Variants in STIM1 observed in about 807,000 individuals in gnomAD.
STIM1 encodes the protein stromal interaction molecule 1.
A neutral mutation model predicts 74.7 loss-of-function variants in STIM1; 25 were observed. The ratio of observed to expected loss-of-function variants is 0.33; its 90% confidence interval spans 0.24 to 0.47. STIM1 has a LOEUF of 0.47. Ranked by LOEUF, STIM1 falls within the 20% of genes least tolerant of loss-of-function variation. The pLI is 1.00. For missense variants in STIM1, 728 were observed against 920.8 expected (o/e 0.79, Z 2.71); for synonymous variants, 328 against 348.8 (o/e 0.94, Z 0.66).
chr11:3,894,011 C>A (rs1257239278), intron 1 of STIM1, among the ~76,000 whole-genome samples: 1 of 152,080 alleles, frequency 6.6e-6, no homozygotes, highest in Admixed American at 6.5e-5. Flanking sequence ...AACTCCGGAG[C>A]TCAAGCGATC....
chr11:4,086,600 T>C, intron 12 of STIM1, 57 bp downstream of exon 12: 1 of 1,608,176 alleles, frequency 6.2e-7, no homozygotes, highest in Non-Finnish European at 8.5e-7. Context: ...CTGCGGCGAA[T>C]GCGCAGCCTT....
intron 1 of STIM1, among the ~76,000 whole-genome samples, chr11:3,944,518 G>C (rs1488062069): frequency 2.0e-5 from 3 of 152,232 alleles, no homozygotes; most frequent in Non-Finnish European, 4.4e-5. Flanking sequence ...AGAATGGTCA[G>C]AGAAATCTAC....
chr11:3,989,503 G>GA, intron 2 of STIM1: 1 of 610,258 alleles, frequency 1.6e-6, no homozygotes, highest in Non-Finnish European at 3.1e-6. Flanking sequence ...TCTGTGAGCC[G>GA]CGGCGCACCG....
chr11:4,077,216 CA>C (rs2094442367), intron 7 of STIM1, among the ~76,000 whole-genome samples: 1 of 151,358 alleles, frequency 6.6e-6, no homozygotes, highest in Non-Finnish European at 1.5e-5. Flanking sequence ...TGAAATAAAG[CA>C]AGGGTAGCTA....
chr11:3,858,639 C>A (rs1182814555), intron 1 of STIM1, among the ~76,000 whole-genome samples: 1 of 152,176 alleles, frequency 6.6e-6, no homozygotes, highest in Non-Finnish European at 1.5e-5. Flanking sequence ...GAGAAACTTT[C>A]TATGCAACTA....
chr11:4,024,964 A>G (rs2093987227), intron 3 of STIM1, among the ~76,000 whole-genome samples: 1 of 152,176 alleles, frequency 6.6e-6, no homozygotes, highest in Non-Finnish European at 1.5e-5. Context: ...AGGGTCTCTT[A>G]GGGCAGGTTC....
At chr11:4,002,268 A>C (rs1228254398) in intron 2 of STIM1, among the ~76,000 whole-genome samples, 2 of 151,884 alleles carry the variant, frequency 1.3e-5, no homozygotes, top group Non-Finnish European at 2.9e-5. Flanking sequence ...CTCCACCCCA[A>C]ATCAACAGAA....
chr11:4,021,773 A>C (rs1328978539), intron 2 of STIM1, among the ~76,000 whole-genome samples: 3 of 152,162 alleles, frequency 2.0e-5, no homozygotes, highest in Non-Finnish European at 4.4e-5. Flanking sequence ...TGCTTTGGGT[A>C]GTATGAATAT....
chr11:3,895,845 TTCTTTCTTTCTCTC>T (rs1201220641), intron 1 of STIM1, among the ~76,000 whole-genome samples: 4 of 117,400 alleles, frequency 3.4e-5, no homozygotes, highest in Non-Finnish European at 6.7e-5. Flanking sequence ...TTCTTTCTCT[TTCTTTCTTTCTCTC>T]TCTCTCTCTT....
intron 1 of STIM1, among the ~76,000 whole-genome samples, chr11:3,913,539 C>T (rs1032568845): frequency 2.6e-5 from 4 of 152,118 alleles, no homozygotes; most frequent in Non-Finnish European, 4.4e-5. Context: ...CACTATGCAC[C>T]GGGTTCCTGA....
chr11:3,856,186 G>A lies in STIM1; in HGVS notation c.-85G>A, dbSNP rs187282877. 2.6e-5 allele frequency: 41 copies of A among 1,585,942 alleles called. 1 individual carries two copies. In the Admixed American group the frequency reaches 6.7e-4, roughly 26 times the overall value. The stretch of plus-strand genomic sequence containing the variant: ...CGCGAGGGCATCTTGCCTGGAGACC[G>A]TCGGCTGCACTCCCGGGCTCCTGGC... On this transcript the variant is annotated 5_prime_UTR_variant, in exon 1 of 13. Transcript: ENST00000526596.
At chr11:3,944,437 C>G (rs991722662) in intron 1 of STIM1, among the ~76,000 whole-genome samples, 12 of 152,200 alleles carry the variant, frequency 7.9e-5, no homozygotes, top group Admixed American at 7.9e-4. Context: ...ATTTAAGCAG[C>G]CAGAACTCTC....
intron 2 of STIM1, 46 bp downstream of exon 2, chr11:3,967,728 AT>A: frequency 1.2e-6 from 2 of 1,613,108 alleles, no homozygotes; most frequent in Non-Finnish European, 1.7e-6. Flanking sequence ...TCCTGTGTGA[AT>A]TAGTCTTTGA....
chr11:3,909,039 G>T (rs1013128985), intron 1 of STIM1, among the ~76,000 whole-genome samples: 11 of 152,166 alleles, frequency 7.2e-5, no homozygotes, highest in African/African-American at 2.4e-4. Context: ...TTCCCTAGTT[G>T]GGGATAGTAC....
At chr11:3,882,092 CTTTTTTTT>C (rs946580998) in intron 1 of STIM1, among the ~76,000 whole-genome samples, 2 of 92,310 alleles carry the variant, frequency 2.2e-5, no homozygotes, top group Non-Finnish European at 4.1e-5. Flanking sequence ...CACTTCATTC[CTTTTTTTT>C]TTTTTTTTTT....
At chr11:3,872,163 G>A (rs2091122144) in intron 1 of STIM1, among the ~76,000 whole-genome samples, 1 of 151,848 alleles carries the variant, frequency 6.6e-6, no homozygotes, top group Non-Finnish European at 1.5e-5. Flanking sequence ...AGCGATTCCT[G>A]TACCTCAGCC....
chr11:3,911,969 T>C (rs780600339), intron 1 of STIM1, among the ~76,000 whole-genome samples: 24 of 152,210 alleles, frequency 1.6e-4, no homozygotes, highest in Admixed American at 6.5e-5. Context: ...TAGCACTTAC[T>C]GATTTTTTAG....
Position 4,013,690 on chromosome 11 carries a change from C to CTTTTTTTTTTTTTTTTT in STIM1, c.271-10167_271-10151dup, listed in dbSNP as rs1169600270. On this transcript the variant is annotated intron_variant, in intron 2 of 12. Transcript: ENST00000526596. ...AACCAGCTCCTGGATTCATTGATTTCTTTTTTTTTTTTTTTTTTTTTTTTT... is the reference window on the plus strand; with the variant it reads ...AACCAGCTCCTGGATTCATTGATTTCTTTTTTTTTTTTTTTTTTTTTTTTTTTTTTTTTTTTTTTTTT... Among the ~76,000 whole-genome samples, 27 of 51,928 alleles carry CTTTTTTTTTTTTTTTTT rather than the reference C, an allele frequency of 5.2e-4. 4 individuals are homozygous for CTTTTTTTTTTTTTTTTT. Among genetic ancestry groups the CTTTTTTTTTTTTTTTTT allele is most frequent in the Admixed American group, 8.6e-4 (3 of 3,472 alleles). The allele number at this position is 51,928 out of a possible 152,430, so 34.1% of individuals were successfully genotyped here. A position where few individuals can be genotyped will look rare whatever the true frequency, so the allele number is the denominator to read the frequency against.
intron 1 of STIM1, among the ~76,000 whole-genome samples, chr11:3,900,759 A>G (rs540737930): frequency 1.2e-3 from 186 of 152,288 alleles, no homozygotes; most frequent in African/African-American, 4.1e-3. Flanking sequence ...TATTTTTTGT[A>G]GAGATGGGTT....
Sources: allele counts gnomAD v4.1 joint callset (sites outside exome capture counted in the v4.1 genomes callset), GRCh38; gene constraint gnomAD v4.1.1; transcripts MANE v1.5; gene names NCBI Gene and HGNC (gene_info 2026-07-23, HGNC 2026-07-21).